Variants in PPP1R16B observed in about 807,000 individuals in gnomAD.
The protein encoded by PPP1R16B is protein phosphatase 1 regulatory subunit 16B.
Under a neutral mutation model 61.7 loss-of-function variants are expected in PPP1R16B, and 14 were observed. The ratio of observed to expected loss-of-function variants is 0.23; its 90% CI spans 0.15 to 0.35. The LOEUF (loss-of-function observed/expected upper bound fraction) is 0.35. PPP1R16B is among the 10% of genes least tolerant of loss of function. The pLI, the probability that PPP1R16B is intolerant of heterozygous loss-of-function variation, is 1.00. For synonymous variants in PPP1R16B, 266 were observed against 305.3 expected (o/e 0.87, Z 1.34); for missense variants, 547 against 752.5 (o/e 0.73, Z 3.19).
At chr20:38,821,040 C>CAAAAA (rs11483114) in intron 1 of PPP1R16B, among the ~76,000 whole-genome samples, 6 of 121,562 alleles carry the variant, frequency 4.9e-5, no homozygotes, top group African/African-American at 6.2e-5. Context: ...GACTCCGTCT[C>CAAAAA]AAAAAAAAAA....
rs983682392 is a variant in PPP1R16B, at chr20:38,892,148, A to T, written c.321+2483A>T. 1.1e-4 allele frequency among the ~76,000 whole-genome samples: 17 copies of T among 152,312 alleles called. No homozygotes were observed. In the East Asian group the frequency reaches 1.9e-3, roughly 17 times the overall value. ...CAGTCTTAACTGCTCTGTGGGCACC[A>T]CAGCTGCAATTCTCTGAGCCCCAGG... is the stretch of plus-strand genomic sequence containing the variant. On this transcript the variant is annotated intron_variant, in intron 3 of 10. Coordinates refer to ENST00000299824, the MANE Select transcript of PPP1R16B (RefSeq NM_015568.4).
rs1380033417 is a variant in PPP1R16B at position 38,835,951 on chromosome 20, C to G, written c.26C>G (p.Thr9Arg). Residue 9 changes from threonine to arginine, a missense_variant, in exon 2 of 11, where the codon ACG becomes AGG. Physicochemically the swap from Thr to Arg is moderately conservative, Grantham distance 71. Transcript: ENST00000299824. Reference sequence around the variant, plus strand: ...ATGGCCAGTCACGTGGACCTGCTGACGGAGCTGCAGCTGCTGGAGAAGGTG... The same window carrying G: ...ATGGCCAGTCACGTGGACCTGCTGAGGGAGCTGCAGCTGCTGGAGAAGGTG... MASHVDLL[T>R]ELQLLEKVPT... 1.9e-6 allele frequency: 3 copies of G among 1,544,428 alleles called. No individual in the cohort carries two copies. The East Asian group carries it at 7.3e-5, about 38-fold the overall frequency.
chr20:38,906,296 T>TG (rs1357444058), intron 7 of PPP1R16B, among the ~76,000 whole-genome samples: 1,799 of 126,080 alleles, frequency 0.014, 61 homozygotes, highest in African/African-American at 0.04. Flanking sequence ...TTTTTTTTTT[T>TG]TTTTTTTTTT....
At chr20:38,886,930 T>C (rs781410098) in intron 2 of PPP1R16B, among the ~76,000 whole-genome samples, 3 of 152,262 alleles carry the variant, frequency 2.0e-5, no homozygotes, top group Non-Finnish European at 4.4e-5. Context: ...TCAAAGCCCA[T>C]AATTAGTTAT....
intron 2 of PPP1R16B, among the ~76,000 whole-genome samples, chr20:38,868,186 G>A (rs916248146): frequency 1.3e-5 from 2 of 152,176 alleles, no homozygotes; most frequent in East Asian, 1.9e-4. Context: ...GGTTTGCTCA[G>A]CACAGTGTAC....
chr20:38,897,836 T>A (rs370918838), intron 4 of PPP1R16B, among the ~76,000 whole-genome samples: 14 of 152,236 alleles, frequency 9.2e-5, no homozygotes, highest in African/African-American at 3.1e-4. Flanking sequence ...TTGATTTGCA[T>A]TTTTCTCGTG....
intron 10 of PPP1R16B, among the ~76,000 whole-genome samples, chr20:38,913,104 T>G (rs945924334): frequency 6.6e-6 from 1 of 151,758 alleles, no homozygotes; most frequent in Admixed American, 6.6e-5. Context: ...CTCCTGACCT[T>G]AAGTGATCCA....
In PPP1R16B at chr20:38,895,877, TCC is replaced by T. The variant is rs1234536755; in HGVS notation, c.467+168_467+169del. On this transcript the variant is annotated intron_variant, in intron 4 of 10. Coordinates refer to ENST00000299824, the MANE Select transcript of PPP1R16B (RefSeq NM_015568.4). ...CTTCTTTCTTCCCTCCCTCCCTCCTTCCTTCTTTCTTCCCTCCCTCCCTCCTT... is the reference window on the plus strand; with the variant it reads ...CTTCTTTCTTCCCTCCCTCCCTCCTTTTCTTTCTTCCCTCCCTCCCTCCTT... Among the ~76,000 whole-genome samples the T allele has an allele frequency of 1.6e-4, 19 of 119,174 alleles. 1 individual carries two copies. The highest frequency in any genetic ancestry group is 5.3e-4 in the East Asian group (2 of 3,748). The allele number at this position is 119,174 out of a possible 152,430, so 78.2% of individuals were successfully genotyped here. A position where few individuals can be genotyped will look rare whatever the true frequency, so the allele number is the denominator to read the frequency against.
chr20:38,870,542 G>C (rs1405493925), intron 2 of PPP1R16B, among the ~76,000 whole-genome samples: 2 of 152,100 alleles, frequency 1.3e-5, no homozygotes, highest in Admixed American at 1.3e-4. Context: ...GGGGAGGCTG[G>C]GCTAGAGGAG....
intron 1 of PPP1R16B, among the ~76,000 whole-genome samples, chr20:38,819,891 A>G (rs2084762015): frequency 6.6e-6 from 1 of 152,086 alleles, no homozygotes; most frequent in Admixed American, 6.6e-5. Flanking sequence ...TATTTAACCC[A>G]TATCCTGCTT....
At chr20:38,852,045 C>G (rs536520197) in intron 2 of PPP1R16B, among the ~76,000 whole-genome samples, 27 of 149,632 alleles carry the variant, frequency 1.8e-4, no homozygotes, top group African/African-American at 5.9e-4. Flanking sequence ...GCGGGGACGG[C>G]GGGGGGGGAA....
At chr20:38,850,807 A>G (rs1467874940) in intron 2 of PPP1R16B, among the ~76,000 whole-genome samples, 1 of 151,844 alleles carries the variant, frequency 6.6e-6, no homozygotes, top group Non-Finnish European at 1.5e-5. Context: ...TCTCTACTAA[A>G]AAATACAAAA....
At chr20:38,875,749 G>A (rs1313525216) in intron 2 of PPP1R16B, among the ~76,000 whole-genome samples, 2 of 151,934 alleles carry the variant, frequency 1.3e-5, no homozygotes, top group Non-Finnish European at 2.9e-5. Flanking sequence ...AGTTGGGGCC[G>A]GGGGTAGAGA....
chr20:38,918,685 G>C lies in PPP1R16B; in HGVS notation c.*19G>C. ...CTCCTAGTCTCCGTGTGATGGAGGAGGGAGATGCCTGGGGAGGGGCTCCTG... is the reference window on the plus strand; with the variant it reads ...CTCCTAGTCTCCGTGTGATGGAGGACGGAGATGCCTGGGGAGGGGCTCCTG... On this transcript the variant is annotated 3_prime_UTR_variant, in exon 11 of 11. Transcript: ENST00000299824. This position sits in a 1 kb window ranked among gnomAD's most constrained non-coding sequence, Gnocchi z 5.3. The C allele has an allele frequency of 6.7e-7, 1 of 1,495,884 alleles. No homozygotes were observed. Among genetic ancestry groups the C allele is most frequent in the Non-Finnish European group, 8.9e-7 (1 of 1,126,020 alleles). 92.7% of individuals were successfully genotyped at this position (1,495,884 alleles called of 1,614,324 possible).
At chr20:38,843,655 C>G (rs2084921782) in intron 2 of PPP1R16B, among the ~76,000 whole-genome samples, 1 of 152,174 alleles carries the variant, frequency 6.6e-6, no homozygotes. Context: ...CCAGCCCACA[C>G]TCAAGGGGTG....
intron 2 of PPP1R16B, among the ~76,000 whole-genome samples, chr20:38,874,038 A>G (rs2085149309): frequency 6.6e-6 from 1 of 152,124 alleles, no homozygotes; most frequent in South Asian, 2.1e-4. Context: ...CAGCTGAAAC[A>G]TCTTTTATGA....
intron 2 of PPP1R16B, among the ~76,000 whole-genome samples, chr20:38,869,356 A>G (rs7260777): frequency 1.1e-4 from 16 of 151,996 alleles, no homozygotes; most frequent in African/African-American, 3.6e-4. Flanking sequence ...ATGGAATCTC[A>G]CCATGTTGGT....
intron 1 of PPP1R16B, among the ~76,000 whole-genome samples, chr20:38,812,451 G>A (rs1160217667): frequency 6.6e-6 from 1 of 152,190 alleles, no homozygotes; most frequent in African/African-American, 2.4e-5. Context: ...AGGTCAAACT[G>A]CAGTGTGAAA....
At chr20:38,821,718 A>C (rs1418928756) in intron 1 of PPP1R16B, among the ~76,000 whole-genome samples, 1 of 152,128 alleles carries the variant, frequency 6.6e-6, no homozygotes, top group Non-Finnish European at 1.5e-5. Flanking sequence ...TGTAATTTCT[A>C]TGTTGCTGCT....
Sources: allele counts gnomAD v4.1 joint callset (sites outside exome capture counted in the v4.1 genomes callset), GRCh38; gene constraint gnomAD v4.1.1; non-coding constraint Gnocchi (gnomAD v3.1); transcripts MANE v1.5; gene names NCBI Gene and HGNC (gene_info 2026-07-23, HGNC 2026-07-21).